SLC35F3: variants seen among roughly 807,000 people sequenced by gnomAD.
SLC35F3 encodes solute carrier family 35 member F3.
A neutral mutation model predicts 49.9 loss-of-function variants in SLC35F3; 25 were observed. The observed-to-expected ratio is 0.50, with a 90% CI of 0.37 to 0.70. The LOEUF (loss-of-function observed/expected upper bound fraction) is 0.70. SLC35F3 is among the 30% of genes least tolerant of loss of function. The pLI is 0.00. For synonymous variants in SLC35F3, 275 were observed against 265.4 expected, an observed-to-expected ratio of 1.04 and a Z score of -0.35; for missense variants, 525 against 639.8, an observed-to-expected ratio of 0.82 and a Z score of 1.94.
rs1380366507 is a variant in SLC35F3, at chr1:234,027,439, T to A, written c.283+121681T>A. ...TGAGGAAAACTGCCTGGAGATTAAG[T>A]TTCGACTTGAGTTTTGGAGGGGACA... On this transcript the variant is annotated intron_variant, in intron 2 of 7. Transcript: ENST00000366618. The surrounding 1 kb of genome is among the most constrained non-coding windows in gnomAD (Gnocchi z 4.1). Among the ~76,000 whole-genome samples the A allele has an allele frequency of 6.6e-6, 1 of 152,202 alleles. No homozygotes were observed. The highest frequency in any genetic ancestry group is 1.5e-5 in the Non-Finnish European group (1 of 68,044).
chr1:233,922,007 G>A (rs1214935931), intron 2 of SLC35F3, among the ~76,000 whole-genome samples: 2 of 152,174 alleles, frequency 1.3e-5, no homozygotes, highest in Admixed American at 6.5e-5. Flanking sequence ...ATTCCATGGT[G>A]TATATGTGCC....
At chr1:234,072,590 G>A (rs746913877) in intron 2 of SLC35F3, among the ~76,000 whole-genome samples, 16 of 152,208 alleles carry the variant, frequency 1.1e-4, no homozygotes, top group African/African-American at 2.2e-4. Context: ...GGTGACCGGG[G>A]AAGTATCTCT....
At chr1:234,304,928 A>C (rs1487168797) in intron 3 of SLC35F3, among the ~76,000 whole-genome samples, 1 of 152,256 alleles carries the variant, frequency 6.6e-6, no homozygotes, top group Non-Finnish European at 1.5e-5. Context: ...ATCCAATATC[A>C]AACTAAAAGA....
intron 2 of SLC35F3, among the ~76,000 whole-genome samples, chr1:234,108,929 A>T (rs1404248857): frequency 4.0e-5 from 6 of 151,366 alleles, no homozygotes; most frequent in Middle Eastern, 3.4e-3. Context: ...AGTCGTTCTG[A>T]TCATTTATGG....
intron 2 of SLC35F3, among the ~76,000 whole-genome samples, chr1:234,053,622 G>A (rs1232097671): frequency 1.3e-5 from 2 of 152,016 alleles, no homozygotes; most frequent in African/African-American, 4.8e-5. Context: ...CTTTTAATTG[G>A]GGCATTTAGC....
chr1:234,250,195 G>C (rs148968629), intron 3 of SLC35F3, among the ~76,000 whole-genome samples: 1 of 152,202 alleles, frequency 6.6e-6, no homozygotes, highest in African/African-American at 2.4e-5. Flanking sequence ...GCTAAAAAGA[G>C]ATACAATATG....
At chr1:234,072,375 A>G (rs1195475878) in intron 2 of SLC35F3, among the ~76,000 whole-genome samples, 2 of 152,228 alleles carry the variant, frequency 1.3e-5, no homozygotes, top group Non-Finnish European at 2.9e-5. Flanking sequence ...AATTCACTCA[A>G]CAGATACTTC....
At chr1:234,273,398 C>A (rs775915222) in intron 3 of SLC35F3, among the ~76,000 whole-genome samples, 1 of 152,170 alleles carries the variant, frequency 6.6e-6, no homozygotes, top group Non-Finnish European at 1.5e-5. Flanking sequence ...CAGGCAACCC[C>A]CCTCCCACGA....
intron 2 of SLC35F3, among the ~76,000 whole-genome samples, chr1:234,111,941 C>T (rs1665413163): frequency 6.6e-6 from 1 of 152,154 alleles, no homozygotes; most frequent in Non-Finnish European, 1.5e-5. Context: ...GAGACAAGCG[C>T]CTGAGAATAG....
intron 2 of SLC35F3, among the ~76,000 whole-genome samples, chr1:233,929,020 A>T (rs1032846541): frequency 1.3e-5 from 2 of 152,158 alleles, no homozygotes; most frequent in East Asian, 3.8e-4. Flanking sequence ...TGTTCTCCTC[A>T]TGTCTGTTAA....
chr1:234,206,420 C>T lies in SLC35F3; in HGVS notation c.284-24997C>T, dbSNP rs188997401. 1.4e-4 allele frequency among the ~76,000 whole-genome samples: 20 copies of T among 142,276 alleles called. No homozygotes were observed. In the East Asian group the frequency reaches 3.3e-3, roughly 24 times the overall value. 93.3% of individuals were successfully genotyped at this position (142,276 alleles called of 152,430 possible). Reference sequence around the variant, plus strand: ...CGGCACCCAAAGGGTTCTCACTGTGCGGCGCTCCTTTGAGTCATGGCAGGA... The same window carrying T: ...CGGCACCCAAAGGGTTCTCACTGTGTGGCGCTCCTTTGAGTCATGGCAGGA... On this transcript the variant is annotated intron_variant, in intron 2 of 7. Transcript: ENST00000366618.
chr1:234,278,546 G>C, intron 3 of SLC35F3, among the ~76,000 whole-genome samples: 1 of 151,628 alleles, frequency 6.6e-6, no homozygotes, highest in East Asian at 1.9e-4. Context: ...GTTGTCATTC[G>C]CATTTCTTTC....
intron 3 of SLC35F3, among the ~76,000 whole-genome samples, chr1:234,235,045 C>A (rs535782216): frequency 1.3e-4 from 20 of 152,232 alleles, no homozygotes; most frequent in Admixed American, 3.3e-4. Context: ...AAGTGTCAGT[C>A]CTGAAGAAAT....
chr1:234,225,800 T>G (rs1667277008), intron 2 of SLC35F3, among the ~76,000 whole-genome samples: 1 of 152,248 alleles, frequency 6.6e-6, no homozygotes, highest in East Asian at 1.9e-4. Flanking sequence ...GATAGATGAA[T>G]GGATAAGCCA....
At chr1:234,180,961 C>T (rs1258511024) in intron 2 of SLC35F3, among the ~76,000 whole-genome samples, 2 of 152,256 alleles carry the variant, frequency 1.3e-5, no homozygotes, top group East Asian at 1.9e-4. Context: ...TACCACCATC[C>T]GTTCCCTCTT....
intron 2 of SLC35F3, among the ~76,000 whole-genome samples, chr1:234,191,827 C>A (rs1666734626): frequency 6.6e-6 from 1 of 152,052 alleles, no homozygotes; most frequent in Admixed American, 6.6e-5. Context: ...CTGTGAACAC[C>A]TTTACACACA....
Position 234,214,285 on chromosome 1 carries a change from G to A in SLC35F3, c.284-17132G>A. The A allele has an allele frequency of 7.8e-7, 1 of 1,276,830 alleles. No homozygotes were observed. The highest frequency in any genetic ancestry group is 9.8e-7 in the Non-Finnish European group (1 of 1,015,258). The allele number at this position is 1,276,830 out of a possible 1,614,324, so 79.1% of individuals were successfully genotyped here. A position where few individuals can be genotyped will look rare whatever the true frequency, so the allele number is the denominator to read the frequency against. ...GTGTGTGGAGTGGCTGCGCGGCCGG[G>A]GAGGATGTGCGCTGCAGGGCGGCCG... On this transcript the variant is annotated intron_variant, in intron 2 of 7. Coordinates refer to ENST00000366618, the MANE Select transcript of SLC35F3 (RefSeq NM_173508.4). This position sits in a 1 kb window ranked among gnomAD's most constrained non-coding sequence, Gnocchi z 8.0.
At chr1:234,100,942 C>T (rs1665205144) in intron 2 of SLC35F3, among the ~76,000 whole-genome samples, 1 of 152,138 alleles carries the variant, frequency 6.6e-6, no homozygotes, top group Non-Finnish European at 1.5e-5. Context: ...GGTGGTGATC[C>T]ACCTCATCAG....
At chr1:234,154,919 C>T (rs1279991226) in intron 2 of SLC35F3, among the ~76,000 whole-genome samples, 1 of 151,960 alleles carries the variant, frequency 6.6e-6, no homozygotes, top group Non-Finnish European at 1.5e-5. Context: ...TATCCGGGGG[C>T]GATTTGACTC....
Sources: gnomAD v4.1 joint callset for allele counts (sites outside exome capture counted in the v4.1 genomes callset) on GRCh38, gnomAD v4.1.1 for gene constraint, Gnocchi (gnomAD v3.1) non-coding constraint, MANE v1.5 for transcripts, NCBI Gene and HGNC (gene_info 2026-07-23, HGNC 2026-07-21) for gene names.